RBFOX2: variants seen among roughly 807,000 people sequenced by gnomAD.
The protein encoded by RBFOX2 is RNA binding fox-1 homolog 2.
A neutral mutation model predicts 49.1 loss-of-function variants in RBFOX2; 10 were observed. That is an observed-to-expected ratio of 0.20 (90% confidence interval 0.13 to 0.35). RBFOX2 has a LOEUF of 0.35. RBFOX2 is among the 10% of genes least tolerant of loss of function. RBFOX2 has a pLI of 1.00. For synonymous variants in RBFOX2, 183 were observed against 187.4 expected (o/e 0.98, Z 0.19); for missense variants, 323 against 486.9 (o/e 0.66, Z 3.17).
chr22:35,914,064 T>C (rs906704796), intron 1 of RBFOX2, among the ~76,000 whole-genome samples: 3 of 151,746 alleles, frequency 2.0e-5, no homozygotes, highest in Non-Finnish European at 2.9e-5. Context: ...TGTGAAGGAG[T>C]TAAAGAATAT....
chr22:35,913,642 T>C (rs2050085447), intron 1 of RBFOX2, among the ~76,000 whole-genome samples: 1 of 151,736 alleles, frequency 6.6e-6, no homozygotes, highest in African/African-American at 2.4e-5. Flanking sequence ...TATCTATAAA[T>C]CTATATAGGT....
chr22:35,814,862 C>G (rs757408587), intron 1 of RBFOX2, among the ~76,000 whole-genome samples: 5 of 152,010 alleles, frequency 3.3e-5, no homozygotes, highest in Non-Finnish European at 7.4e-5. Flanking sequence ...TGAGACCAAC[C>G]TGGGCAATGG....
At chr22:35,961,455 C>A in intron 1 of RBFOX2, 1 of 1,204,472 alleles carries the variant, frequency 8.3e-7, no homozygotes, top group South Asian at 1.4e-5. Context: ...CAATTCCACA[C>A]GACCGACCTC....
chr22:35,923,637 T>C (rs1416929679), intron 1 of RBFOX2, among the ~76,000 whole-genome samples: 1 of 152,224 alleles, frequency 6.6e-6, no homozygotes, highest in African/African-American at 2.4e-5. Context: ...ATGCCACTTA[T>C]TACCACCCTT....
At chr22:35,828,138 C>T (rs2148609905) in intron 1 of RBFOX2, among the ~76,000 whole-genome samples, 1 of 148,940 alleles carries the variant, frequency 6.7e-6, no homozygotes, top group East Asian at 1.9e-4. Flanking sequence ...TCCAGCCTGG[C>T]CAACAGACTA....
intron 1 of RBFOX2, among the ~76,000 whole-genome samples, chr22:35,884,017 T>C (rs1454594779): frequency 6.9e-6 from 1 of 144,626 alleles, no homozygotes; most frequent in Non-Finnish European, 1.5e-5. Context: ...TTTTTTTTTT[T>C]TTTTTTTTGT....
At position 35,749,838 on chromosome 22, in the gene RBFOX2, G is replaced by A. The variant is rs1035676816; in HGVS notation, c.888-3277C>T. On this transcript the variant is annotated intron_variant, in intron 9 of 11. Coordinates refer to ENST00000405409, the Ensembl canonical transcript of RBFOX2. This position sits in a 1 kb window ranked among gnomAD's most constrained non-coding sequence, Gnocchi z 4.1. ...GTTCAGGCGTGGGGAGGGATATGGC[G>A]CCACATTTATTAATCACATTAAAAA... Among the ~76,000 whole-genome samples the A allele has an allele frequency of 5.3e-5, 8 of 152,094 alleles. No homozygotes were observed. The highest frequency in any genetic ancestry group is 7.4e-5 in the Non-Finnish European group (5 of 68,006).
intron 1 of RBFOX2, among the ~76,000 whole-genome samples, chr22:35,915,205 G>A (rs2050272127): frequency 6.6e-6 from 1 of 152,178 alleles, no homozygotes. Context: ...AATTATGTTA[G>A]CACACATGTG....
At chr22:35,916,849 A>G (rs920448169) in intron 1 of RBFOX2, among the ~76,000 whole-genome samples, 4 of 151,652 alleles carry the variant, frequency 2.6e-5, no homozygotes, top group African/African-American at 7.3e-5. Flanking sequence ...CCAGCCTGGG[A>G]GACACAGAGA....
At chr22:35,833,016 C>T (rs575700813) in intron 1 of RBFOX2, among the ~76,000 whole-genome samples, 1 of 152,242 alleles carries the variant, frequency 6.6e-6, no homozygotes, top group South Asian at 2.1e-4. Context: ...TTGATCATTA[C>T]ACATTATACG....
At chr22:35,822,027 A>G in intron 1 of RBFOX2, 3 of 506,608 alleles carry the variant, frequency 5.9e-6, no homozygotes, top group Admixed American at 4.0e-5. Context: ...AGCAAGGCCT[A>G]TTACAAAGAG....
At chr22:35,876,551 G>A (rs191205354) in intron 1 of RBFOX2, among the ~76,000 whole-genome samples, 319 of 152,118 alleles carry the variant, frequency 2.1e-3, no homozygotes, top group African/African-American at 7.3e-3. Flanking sequence ...CCTTTAAACG[G>A]ATGCCTAAAT....
At chr22:35,829,044 C>T (rs1240802064) in intron 1 of RBFOX2, among the ~76,000 whole-genome samples, 1 of 152,110 alleles carries the variant, frequency 6.6e-6, no homozygotes, top group African/African-American at 2.4e-5. Context: ...GAGCGAGACT[C>T]CATCTCAAAA....
At chr22:36,017,355 T>C (rs1032219279) in intron 1 of RBFOX2, among the ~76,000 whole-genome samples, 1 of 151,876 alleles carries the variant, frequency 6.6e-6, no homozygotes, top group Admixed American at 6.6e-5. Context: ...GGTGAAACCC[T>C]GTCTCTACTA....
At chr22:35,966,250 T>C (rs929164375), upstream of RBFOX2, among the ~76,000 whole-genome samples, 1 of 152,224 alleles carries the variant, frequency 6.6e-6, no homozygotes, top group Non-Finnish European at 1.5e-5. Flanking sequence ...ATTTCAGTAA[T>C]GTTGAAAGGC....
intron 2 of RBFOX2, among the ~76,000 whole-genome samples, chr22:35,802,415 T>C (rs985047955): frequency 1.3e-5 from 2 of 152,196 alleles, no homozygotes; most frequent in East Asian, 1.9e-4. Context: ...AAAACAGCCA[T>C]TTCAGGATTC....
chr22:35,791,425 T>C (rs997361015), intron 2 of RBFOX2, among the ~76,000 whole-genome samples: 5 of 151,616 alleles, frequency 3.3e-5, no homozygotes, highest in Non-Finnish European at 5.9e-5. Context: ...GGATGTCAGG[T>C]TCTAAACCCT....
chr22:35,815,567 A>C (rs560222411), intron 1 of RBFOX2, among the ~76,000 whole-genome samples: 4 of 152,278 alleles, frequency 2.6e-5, no homozygotes, highest in East Asian at 1.9e-4. Context: ...TATTGCTTCT[A>C]ATCAACAGGC....
intron 9 of RBFOX2, among the ~76,000 whole-genome samples, chr22:35,754,975 A>G (rs948332663): frequency 2.6e-5 from 4 of 152,206 alleles, no homozygotes; most frequent in African/African-American, 9.7e-5. Context: ...ATTTCGAAGA[A>G]CTGTATCATC....
Sources: allele counts gnomAD v4.1 joint callset (sites outside exome capture counted in the v4.1 genomes callset), GRCh38; gene constraint gnomAD v4.1.1; non-coding constraint Gnocchi (gnomAD v3.1); transcripts MANE v1.5; gene names NCBI Gene and HGNC (gene_info 2026-07-23, HGNC 2026-07-21).